LYPLAL1: variants seen among roughly 807,000 people sequenced by gnomAD.
LYPLAL1 encodes lysophospholipase-like protein 1.
In LYPLAL1, 23 loss-of-function variants were observed where a neutral mutation model predicts 19.7. That is an observed-to-expected ratio of 1.17 (90% CI 0.84 to 1.65). The LOEUF (loss-of-function observed/expected upper bound fraction) is 1.65, where lower values mean the gene tolerates loss of function less well. Among genes scored for constraint, LYPLAL1 ranks in the 40% most tolerant of loss-of-function variants. The pLI, the probability that LYPLAL1 is intolerant of heterozygous loss-of-function variation, is 0.00. For synonymous variants in LYPLAL1, 119 were observed against 96.3 expected, an observed-to-expected ratio of 1.24 and a Z score of -1.38; for missense variants, 355 against 279.4, an observed-to-expected ratio of 1.27 and a Z score of -1.93.
downstream of LYPLAL1, among the ~76,000 whole-genome samples, chr1:219,216,539 AT>A (rs1202455955): frequency 6.6e-6 from 1 of 152,064 alleles, no homozygotes; most frequent in Non-Finnish European, 1.5e-5. Flanking sequence ...TACTGTCTGG[AT>A]TGTGAGGTTT....
chr1:219,174,177 C>T lies in LYPLAL1; in HGVS notation c.91+196C>T, dbSNP rs1655608932. 4.2e-6 allele frequency: 6 copies of T among 1,424,494 alleles called. No individual in the cohort carries two copies. The South Asian group carries it at 5.9e-5, about 14-fold the overall frequency. 88.2% of individuals were successfully genotyped at this position (1,424,494 alleles called of 1,614,324 possible). A position where few individuals can be genotyped will look rare whatever the true frequency, so the allele number is the denominator to read the frequency against. On this transcript the variant is annotated intron_variant, in intron 1 of 4. Coordinates refer to ENST00000366928, the MANE Select transcript of LYPLAL1 (RefSeq NM_138794.5). Reference sequence around the variant, plus strand: ...GCCTCCCCCGTTAGTCTTCCTCTTTCTATCGGGCGGTCACTGGTCCACCAC... The same window carrying T: ...GCCTCCCCCGTTAGTCTTCCTCTTTTTATCGGGCGGTCACTGGTCCACCAC...
the LYPLAL1 span, among the ~76,000 whole-genome samples, chr1:219,235,714 A>G: frequency 1.6e-4 from 24 of 152,304 alleles, no homozygotes; most frequent in African/African-American, 5.5e-4. Flanking sequence ...TAGTCTTGGC[A>G]TGAGGAAGAT....
chr1:219,411,084 C>G, the LYPLAL1 span, among the ~76,000 whole-genome samples: 23 of 152,286 alleles, frequency 1.5e-4, no homozygotes, highest in East Asian at 3.3e-3. Flanking sequence ...GCCCCGGTGC[C>G]GGATCCACTA....
At chr1:219,340,529 C>T in the LYPLAL1 span, among the ~76,000 whole-genome samples, 19 of 152,048 alleles carry the variant, frequency 1.2e-4, no homozygotes, top group African/African-American at 4.1e-4. Flanking sequence ...TATTCCAGCT[C>T]CTTCTTACTT....
the LYPLAL1 span, among the ~76,000 whole-genome samples, chr1:219,420,475 G>GGAAGCTGTCCTTGGAAAGTA: frequency 6.6e-6 from 1 of 152,128 alleles, no homozygotes; most frequent in African/African-American, 2.4e-5. Flanking sequence ...AACTAGTGGT[G>GGAAGCTGTCCTTGGAAAGTA]GAAGCTGTCC....
At chr1:219,194,240 C>T (rs551089938) in intron 3 of LYPLAL1, among the ~76,000 whole-genome samples, 140 of 151,910 alleles carry the variant, frequency 9.2e-4, no homozygotes, top group African/African-American at 3.1e-3. Flanking sequence ...CCATGTTTAA[C>T]GTTGATGTTT....
the LYPLAL1 span, among the ~76,000 whole-genome samples, chr1:219,293,041 C>T: frequency 6.6e-6 from 1 of 152,222 alleles, no homozygotes; most frequent in Non-Finnish European, 1.5e-5. Flanking sequence ...ATAATTTTCA[C>T]ATAGTAGATT....
chr1:219,314,682 T>C, the LYPLAL1 span, among the ~76,000 whole-genome samples: 1 of 152,222 alleles, frequency 6.6e-6, no homozygotes, highest in Non-Finnish European at 1.5e-5. Context: ...TCCACCCACC[T>C]CGGCCTCCCA....
chr1:219,306,765 G>GATAGATAA, the LYPLAL1 span, among the ~76,000 whole-genome samples: 51 of 150,792 alleles, frequency 3.4e-4, no homozygotes, highest in East Asian at 8.4e-3. Context: ...TAGATAGATA[G>GATAGATAA]ATAGATAGAT....
the LYPLAL1 span, among the ~76,000 whole-genome samples, chr1:219,242,946 C>T: frequency 6.6e-6 from 1 of 152,082 alleles, no homozygotes; most frequent in South Asian, 2.1e-4. Flanking sequence ...CAGTGTGTGT[C>T]AAACCAGGCA....
the LYPLAL1 span, among the ~76,000 whole-genome samples, chr1:219,260,290 G>C: frequency 5.9e-5 from 9 of 151,700 alleles, no homozygotes; most frequent in Admixed American, 3.3e-4. Context: ...AAAACTGAAT[G>C]AGGAAAAAAT....
the LYPLAL1 span, among the ~76,000 whole-genome samples, chr1:219,256,197 G>T: frequency 6.6e-6 from 1 of 151,746 alleles, no homozygotes; most frequent in African/African-American, 2.4e-5. Flanking sequence ...ATCTTTTTGC[G>T]GAGATTATTG....
At chr1:219,305,940 T>C in the LYPLAL1 span, among the ~76,000 whole-genome samples, 2 of 152,218 alleles carry the variant, frequency 1.3e-5, no homozygotes, top group Admixed American at 1.3e-4. Context: ...ATGTTGACAG[T>C]ATTCTCCCAT....
chr1:219,330,015 G>T, the LYPLAL1 span, among the ~76,000 whole-genome samples: 1 of 151,962 alleles, frequency 6.6e-6, no homozygotes, highest in South Asian at 2.1e-4. Flanking sequence ...AAAATTTACT[G>T]TAGATCCTCA....
At chr1:219,223,977 G>A in the LYPLAL1 span, among the ~76,000 whole-genome samples, 79 of 151,882 alleles carry the variant, frequency 5.2e-4, no homozygotes, top group Non-Finnish European at 1.0e-3. Context: ...TCCCTACCCT[G>A]ATTTTTCCTG....
the LYPLAL1 span, among the ~76,000 whole-genome samples, chr1:219,379,198 C>A: frequency 5.3e-5 from 8 of 152,172 alleles, no homozygotes; most frequent in Non-Finnish European, 1.2e-4. Flanking sequence ...ATTTTTCAAA[C>A]TTTTGACCAA....
the LYPLAL1 span, among the ~76,000 whole-genome samples, chr1:219,244,249 A>G: frequency 6.6e-6 from 1 of 152,354 alleles, no homozygotes; most frequent in Non-Finnish European, 1.5e-5. Flanking sequence ...AAACATGCCC[A>G]ATAAGAAATA....
the LYPLAL1 span, among the ~76,000 whole-genome samples, chr1:219,259,408 CATATAT>C: frequency 0.27 from 38,700 of 141,702 alleles, 5,312 homozygotes; most frequent in Non-Finnish European, 0.32. Flanking sequence ...GGTATATATA[CATATAT>C]ATATATATAT....
At chr1:219,313,565 C>T in the LYPLAL1 span, among the ~76,000 whole-genome samples, 1 of 151,752 alleles carries the variant, frequency 6.6e-6, no homozygotes, top group Non-Finnish European at 1.5e-5. Flanking sequence ...CACTCTGTCA[C>T]CCAGGCTGGA....
Sources: gnomAD v4.1 joint callset for allele counts (sites outside exome capture counted in the v4.1 genomes callset) on GRCh38, gnomAD v4.1.1 for gene constraint, MANE v1.5 for transcripts, NCBI Gene and HGNC (gene_info 2026-07-23, HGNC 2026-07-21) for gene names.